CNTNAP4: variants seen among roughly 807,000 people sequenced by gnomAD.
CNTNAP4 encodes the protein contactin associated protein family member 4, also known as contactin-associated protein-like 4.
CNTNAP4 carries 98 observed loss-of-function variants against 148.4 expected under a neutral mutation model. That is an observed-to-expected ratio of 0.66 (90% CI 0.56 to 0.78). The LOEUF is 0.78. CNTNAP4 is among the 30% of genes least tolerant of loss of function. CNTNAP4 has a pLI of 0.00. For synonymous variants in CNTNAP4, 730 were observed against 565.1 expected, an observed-to-expected ratio of 1.29 and a Z score of -4.14; for missense variants, 1,935 against 1,565.6, an observed-to-expected ratio of 1.24 and a Z score of -3.98.
chr16:76,453,901 G>T (rs1363354674), intron 8 of CNTNAP4, among the ~76,000 whole-genome samples: 1 of 151,956 alleles, frequency 6.6e-6, no homozygotes, highest in Non-Finnish European at 1.5e-5. Flanking sequence ...TAGACAAAAA[G>T]AAATAAATTA....
At chr16:76,430,975 A>G (rs1406157326) in intron 4 of CNTNAP4, among the ~76,000 whole-genome samples, 1 of 152,138 alleles carries the variant, frequency 6.6e-6, no homozygotes, top group Non-Finnish European at 1.5e-5. Flanking sequence ...GTATAGGGAG[A>G]TATTCTAAAG....
intron 2 of CNTNAP4, among the ~76,000 whole-genome samples, chr16:76,346,553 A>C (rs1964919089): frequency 6.6e-6 from 1 of 152,168 alleles, no homozygotes; most frequent in Non-Finnish European, 1.5e-5. Flanking sequence ...GCCTTCCTGT[A>C]AAAGATCTAA....
At chr16:76,544,164 A>G (rs4074090) in intron 21 of CNTNAP4, among the ~76,000 whole-genome samples, 7,411 of 152,016 alleles carry the variant, frequency 0.049, 386 homozygotes, top group East Asian at 0.27. Context: ...TTCTGTTTTT[A>G]TAATGTCTGG....
At chr16:76,538,760 A>C (rs931155778) in intron 19 of CNTNAP4, among the ~76,000 whole-genome samples, 50 of 152,066 alleles carry the variant, frequency 3.3e-4, no homozygotes, top group Admixed American at 3.3e-3. Context: ...TTTGAGTAAG[A>C]ATATGTCCAC....
intron 1 of CNTNAP4, 36 bp downstream of exon 1, chr16:76,277,783 G>T (rs1958535136): frequency 7.7e-7 from 1 of 1,293,868 alleles, no homozygotes; most frequent in African/African-American, 1.5e-5. Flanking sequence ...ACTTGCTGGG[G>T]GGCTCTCTGC....
chr16:76,455,999 AAG>A (rs371730729), intron 8 of CNTNAP4, among the ~76,000 whole-genome samples: 41 of 152,320 alleles, frequency 2.7e-4, no homozygotes, highest in African/African-American at 8.9e-4. Context: ...AGACAGAACA[AAG>A]AGAGCAACAG....
chr16:76,469,791 A>G lies in CNTNAP4; in HGVS notation c.1655+2268A>G, dbSNP rs190741025. Among the ~76,000 whole-genome samples, 449 of 152,348 alleles carry G rather than the reference A, an allele frequency of 2.9e-3. 2 individuals are homozygous for G. Among genetic ancestry groups the G allele is most frequent in the Non-Finnish European group, 4.1e-3 (279 of 68,032 alleles). ...GACTATACATGTTTCTTTTTAAAAG[A>G]TGCTTTAGGCTAACAGTAATCCTAA... On this transcript the variant is annotated intron_variant, in intron 10 of 23. Transcript: ENST00000611870.
intron 23 of CNTNAP4, among the ~76,000 whole-genome samples, chr16:76,554,916 C>T (rs950685954): frequency 3.0e-4 from 45 of 151,686 alleles, no homozygotes; most frequent in Admixed American, 3.0e-3. Context: ...GTTTGTTTAG[C>T]TTTTAGTTCT....
intron 1 of CNTNAP4, among the ~76,000 whole-genome samples, chr16:76,282,769 C>A (rs1167136401): frequency 6.6e-6 from 1 of 151,742 alleles, no homozygotes; most frequent in African/African-American, 2.4e-5. Context: ...AGGAACTGAT[C>A]TTTGGCCCCA....
At chr16:76,435,524 G>T (rs561631272) in intron 4 of CNTNAP4, among the ~76,000 whole-genome samples, 48 of 152,118 alleles carry the variant, frequency 3.2e-4, no homozygotes, top group Admixed American at 5.2e-4. Flanking sequence ...CCCACTGTTA[G>T]ATCTGACATA....
At chr16:76,497,225 C>A (rs1347321900) in intron 14 of CNTNAP4, among the ~76,000 whole-genome samples, 2 of 152,046 alleles carry the variant, frequency 1.3e-5, no homozygotes, top group East Asian at 3.9e-4. Flanking sequence ...TATGGATTTA[C>A]AATATATTAC....
In CNTNAP4 at chr16:76,506,400, TTTCCTCCC is replaced by T. The variant is rs1171623434; in HGVS notation, c.2365+7720_2365+7727del. Among the ~76,000 whole-genome samples the T allele has an allele frequency of 1.3e-4, 6 of 44,582 alleles. 2 individuals are homozygous for T. Among genetic ancestry groups the T allele is most frequent in the Non-Finnish European group, 3.8e-4 (4 of 10,598 alleles). 29.2% of individuals were successfully genotyped at this position (44,582 alleles called of 152,430 possible). A position where few individuals can be genotyped will look rare whatever the true frequency, so the allele number is the denominator to read the frequency against. ...CCTTCCTCATTTCCTTCTTTCCTTCTTTCCTCCCTTCCTCCCTTCCTTCCTCCCTTCCC... is the reference window on the plus strand; with the variant it reads ...CCTTCCTCATTTCCTTCTTTCCTTCTTTCCTCCCTTCCTTCCTCCCTTCCC... On this transcript the variant is annotated intron_variant, in intron 15 of 23. Coordinates refer to ENST00000611870, the MANE Select transcript of CNTNAP4 (RefSeq NM_033401.5).
At chr16:76,327,534 C>T (rs1277942132) in intron 2 of CNTNAP4, among the ~76,000 whole-genome samples, 3 of 152,166 alleles carry the variant, frequency 2.0e-5, no homozygotes, top group African/African-American at 2.4e-5. Context: ...ATGACACTTA[C>T]ATCCTCTAAA....
intron 3 of CNTNAP4, among the ~76,000 whole-genome samples, chr16:76,420,585 A>G (rs766366340): frequency 2.6e-4 from 40 of 151,882 alleles, no homozygotes; most frequent in Non-Finnish European, 4.0e-4. Context: ...CAAAAAGCCT[A>G]TGGAAGCCTG....
At position 76,399,502 on chromosome 16, in the gene CNTNAP4, T is replaced by C. The variant is rs530708069; in HGVS notation, c.391-27950T>C. On this transcript the variant is annotated intron_variant, in intron 3 of 23. Transcript: ENST00000611870. ...ATAAGAAAATTGTCAATTATCAGAA[T>C]TCAGTTTGGGGATATTCTTATGAGA... Among the ~76,000 whole-genome samples the C allele has an allele frequency of 5.9e-5, 9 of 152,322 alleles. 1 individual carries two copies. The East Asian group carries it at 1.7e-3, about 29-fold the overall frequency.
At chr16:76,382,059 T>C (rs190013655) in intron 3 of CNTNAP4, among the ~76,000 whole-genome samples, 2 of 37,880 alleles carry the variant, frequency 5.3e-5, no homozygotes, top group Admixed American at 9.7e-4. Context: ...AGACTCCGTC[T>C]CAAAAAAAAA....
chr16:76,509,728 C>T (rs886133551), intron 15 of CNTNAP4, among the ~76,000 whole-genome samples: 2 of 96,800 alleles, frequency 2.1e-5, no homozygotes, highest in African/African-American at 5.2e-5. Context: ...GCTAGTTATG[C>T]TATTATTTGT....
intron 3 of CNTNAP4, among the ~76,000 whole-genome samples, chr16:76,401,899 A>G (rs1056342944): frequency 1.3e-5 from 2 of 152,114 alleles, no homozygotes; most frequent in African/African-American, 2.4e-5. Context: ...AGCCTACTTG[A>G]TTGTAATGGA....
intron 8 of CNTNAP4, among the ~76,000 whole-genome samples, chr16:76,459,179 C>T (rs776599523): frequency 8.7e-4 from 132 of 152,218 alleles, no homozygotes; most frequent in Non-Finnish European, 1.3e-3. Context: ...AGAATATACA[C>T]GTGACACAGA....
Sources: allele counts gnomAD v4.1 joint callset (sites outside exome capture counted in the v4.1 genomes callset), GRCh38; gene constraint gnomAD v4.1.1; transcripts MANE v1.5; gene names NCBI Gene and HGNC (gene_info 2026-07-23, HGNC 2026-07-21).